The following ABHD17B variants were observed in gnomAD, a reference collection of about 807,000 sequenced individuals.
ABHD17B encodes the protein alpha/beta hydrolase domain-containing protein 17B.
Under a neutral mutation model 26.2 loss-of-function variants are expected in ABHD17B, and 9 were observed. The observed-to-expected ratio is 0.34, with a 90% CI of 0.21 to 0.60. The LOEUF (loss-of-function observed/expected upper bound fraction) is 0.60, where lower values mean the gene tolerates loss of function less well. Among genes scored for constraint, ABHD17B ranks in the 20% least tolerant of loss-of-function variants. The probability of loss-of-function intolerance (pLI) is 0.80; values close to 1 mark genes in which losing one functional copy is unlikely to be tolerated. For missense variants in ABHD17B, 224 were observed against 352.1 expected (o/e 0.64, Z 2.91); for synonymous variants, 127 against 122.3 (o/e 1.04, Z -0.25).
At chr9:71,887,661 T>C (rs1231519282) in intron 1 of ABHD17B, among the ~76,000 whole-genome samples, 3 of 152,226 alleles carry the variant, frequency 2.0e-5, no homozygotes, top group Admixed American at 2.0e-4. Context: ...CGAAAACCTT[T>C]GAAACCCAGA....
At chr9:71,888,391 G>C (rs1447594953) in intron 1 of ABHD17B, among the ~76,000 whole-genome samples, 1 of 152,122 alleles carries the variant, frequency 6.6e-6, no homozygotes, top group East Asian at 1.9e-4. Context: ...CAAACTCAAA[G>C]TTCATAGAAA....
chr9:71,906,051 A>AAAAT (rs775146439), intron 1 of ABHD17B, among the ~76,000 whole-genome samples: 3 of 152,046 alleles, frequency 2.0e-5, no homozygotes, highest in African/African-American at 4.8e-5. Flanking sequence ...TCTGTCTCAA[A>AAAAT]AAATAAATAA....
At chr9:71,869,544 T>G (rs565577096) in intron 3 of ABHD17B, among the ~76,000 whole-genome samples, 1 of 152,320 alleles carries the variant, frequency 6.6e-6, no homozygotes, top group African/African-American at 2.4e-5. Flanking sequence ...CATCTAAGTA[T>G]GTTTGCAGGT....
chr9:71,862,637 T>C, downstream of ABHD17B: 2 of 951,574 alleles, frequency 2.1e-6, no homozygotes, highest in Non-Finnish European at 3.4e-6. Context: ...GGCTATATCA[T>C]CTCTGCAGTT....
chr9:71,888,632 G>T (rs1826681930), intron 1 of ABHD17B, among the ~76,000 whole-genome samples: 1 of 151,900 alleles, frequency 6.6e-6, no homozygotes, highest in South Asian at 2.1e-4. Context: ...TTAAAAAGAG[G>T]TTCATATTAT....
At chr9:71,908,257 T>TGGC (rs1443310525) in intron 1 of ABHD17B, among the ~76,000 whole-genome samples, 2 of 151,690 alleles carry the variant, frequency 1.3e-5, no homozygotes, top group African/African-American at 2.4e-5. Context: ...CCGGGAGTGG[T>TGGC]GGCGGGTGCC....
intron 1 of ABHD17B, among the ~76,000 whole-genome samples, chr9:71,886,172 T>C (rs1826602183): frequency 6.6e-6 from 1 of 152,214 alleles, no homozygotes. Context: ...TATAGCTACA[T>C]GTGAAACTCT....
At chr9:71,877,730 T>C (rs1017651422) in intron 1 of ABHD17B, among the ~76,000 whole-genome samples, 4 of 152,254 alleles carry the variant, frequency 2.6e-5, no homozygotes, top group Middle Eastern at 3.2e-3. Context: ...AAAACTTTCA[T>C]ACACTATAAT....
intron 1 of ABHD17B, among the ~76,000 whole-genome samples, chr9:71,892,393 C>A (rs1179319173): frequency 6.6e-6 from 1 of 151,754 alleles, no homozygotes; most frequent in African/African-American, 2.4e-5. Flanking sequence ...ATTAGCCAGG[C>A]GTGGTGGCGG....
rs551726810 is a variant in ABHD17B, at chr9:71,865,582, T to C, written c.*1205A>G. ...GTCCTATTTTTAAAAATAGCTAAAG[T>C]GGGCCAGGCGCAGTGGCTCATGCCT... On this transcript the variant is annotated 3_prime_UTR_variant, in exon 4 of 4. Coordinates refer to ENST00000333421, the MANE Select transcript of ABHD17B (RefSeq NM_001025780.3). 4.1e-6 allele frequency: 4 copies of C among 985,090 alleles called. No homozygotes were observed. Among genetic ancestry groups the C allele is most frequent in the Non-Finnish European group, 4.8e-6 (4 of 829,836 alleles). 61.0% of individuals were successfully genotyped at this position (985,090 alleles called of 1,614,324 possible). A position where few individuals can be genotyped will look rare whatever the true frequency, so the allele number is the denominator to read the frequency against.
downstream of ABHD17B, chr9:71,862,574 G>A (rs1564056575): frequency 9.1e-6 from 14 of 1,543,830 alleles, no homozygotes; most frequent in Non-Finnish European, 1.3e-5. Context: ...TGTAGACCTT[G>A]AGAAAATCAC....
chr9:71,895,770 C>T (rs921120516), intron 1 of ABHD17B, among the ~76,000 whole-genome samples: 4 of 152,156 alleles, frequency 2.6e-5, no homozygotes, highest in East Asian at 1.9e-4. Context: ...TTGGATGGTT[C>T]GGAGCTAGGT....
chr9:71,888,287 G>A (rs1826671327), intron 1 of ABHD17B, among the ~76,000 whole-genome samples: 1 of 152,206 alleles, frequency 6.6e-6, no homozygotes. Flanking sequence ...ACCTGTTGCT[G>A]AGCGTAAGCT....
At chr9:71,902,785 G>C (rs939757565) in intron 1 of ABHD17B, among the ~76,000 whole-genome samples, 3 of 152,016 alleles carry the variant, frequency 2.0e-5, no homozygotes, top group African/African-American at 7.3e-5. Context: ...AAAATATCTA[G>C]GTCACAATCT....
intron 1 of ABHD17B, among the ~76,000 whole-genome samples, chr9:71,893,142 C>CA (rs1826843587): frequency 6.6e-6 from 1 of 152,182 alleles, no homozygotes; most frequent in Non-Finnish European, 1.5e-5. Flanking sequence ...TTGTCCTTTG[C>CA]ACTCACACCA....
chr9:71,862,873 G>A (rs1379955915), downstream of ABHD17B, among the ~76,000 whole-genome samples: 2 of 151,838 alleles, frequency 1.3e-5, no homozygotes, highest in Non-Finnish European at 2.9e-5. Context: ...TCTTGGACTC[G>A]AGTGGTCCTC....
At chr9:71,908,757 A>G (rs1381281927) in intron 1 of ABHD17B, among the ~76,000 whole-genome samples, 4 of 152,232 alleles carry the variant, frequency 2.6e-5, no homozygotes, top group African/African-American at 4.8e-5. Flanking sequence ...ACAAAGTAAG[A>G]GCACTGCATT....
intron 1 of ABHD17B, among the ~76,000 whole-genome samples, chr9:71,892,923 A>G (rs992380370): frequency 1.3e-5 from 2 of 152,180 alleles, no homozygotes; most frequent in Non-Finnish European, 2.9e-5. Flanking sequence ...CTCTATACCC[A>G]CTAAACAATA....
Position 71,872,199 on chromosome 9 carries a change from A to G in ABHD17B, c.468-1937T>C, listed in dbSNP as rs143622458. Among the ~76,000 whole-genome samples, 501 of 152,316 alleles carry G rather than the reference A, an allele frequency of 3.3e-3. 2 individuals carry two copies. Among genetic ancestry groups the G allele is most frequent in the African/African-American group, 0.011 (448 of 41,576 alleles). ...CAGGCTCAGAGAAGTAATATTTCCTAAAGTACCTACACTTATGAAACTCCA... is the reference window on the plus strand; with the variant it reads ...CAGGCTCAGAGAAGTAATATTTCCTGAAGTACCTACACTTATGAAACTCCA... On this transcript the variant is annotated intron_variant, in intron 2 of 3. Transcript: ENST00000333421.
Sources: gnomAD v4.1 joint callset for allele counts (sites outside exome capture counted in the v4.1 genomes callset) on GRCh38, gnomAD v4.1.1 for gene constraint, MANE v1.5 for transcripts, NCBI Gene and HGNC (gene_info 2026-07-23, HGNC 2026-07-21) for gene names.